The following MECR variants were observed in gnomAD, a reference collection of about 807,000 sequenced individuals.
MECR encodes the protein enoyl-[acyl-carrier-protein] reductase, mitochondrial.
A neutral mutation model predicts 49.1 loss-of-function variants in MECR; 37 were observed. The ratio of observed to expected loss-of-function variants is 0.75; its 90% CI spans 0.58 to 0.99. MECR has a LOEUF of 0.99. MECR is among the 50% of genes least tolerant of loss of function. MECR has a pLI of 0.00. For missense variants in MECR, 470 were observed against 479.6 expected (o/e 0.98, Z 0.19); for synonymous variants, 198 against 191.1 (o/e 1.04, Z -0.30).
rs1683235647 is a variant in MECR, at chr1:29,230,806, T to C, written c.101A>G (p.Tyr34Cys). Reference protein sequence around the residue: ...SGCHGPAASSYSASAEPARVR... With the variant: ...SGCHGPAASSCSASAEPARVR... Reference sequence around the variant, plus strand: ...CCGGGCAGGCTCGGCGGATGCGGAGTAGGAGGAGGCGGCAGGTCCGTGACA... The same window carrying C: ...CCGGGCAGGCTCGGCGGATGCGGAGCAGGAGGAGGCGGCAGGTCCGTGACA... Residue 34 changes from tyrosine (Y) to cysteine (C), a missense_variant, in exon 1 of 10, where the codon TAC (tyrosine) becomes TGC (cysteine). Transcript: ENST00000263702. 2 of 1,606,404 alleles carry C rather than the reference T, an allele frequency of 1.2e-6. No individual in the cohort carries two copies. Among genetic ancestry groups the C allele is most frequent in the Non-Finnish European group, 1.7e-6 (2 of 1,177,672 alleles).
At chr1:29,197,681 T>C (rs2151848314) in intron 7 of MECR, among the ~76,000 whole-genome samples, 1 of 152,260 alleles carries the variant, frequency 6.6e-6, no homozygotes, top group East Asian at 1.9e-4. Context: ...GCTGGGTAGT[T>C]TGGTCTTAAG....
At chr1:29,188,962 G>A (rs890507989), downstream of MECR, among the ~76,000 whole-genome samples, 3 of 144,842 alleles carry the variant, frequency 2.1e-5, no homozygotes, top group African/African-American at 5.2e-5. Context: ...TGTATGAGAC[G>A]GAGATTCACT....
At chr1:29,185,899 C>A in the MECR span, among the ~76,000 whole-genome samples, 2 of 152,122 alleles carry the variant, frequency 1.3e-5, no homozygotes, top group Middle Eastern at 3.2e-3. Flanking sequence ...TGGGGGGGAT[C>A]TCCTGAGCCC....
intron 3 of MECR, among the ~76,000 whole-genome samples, chr1:29,208,153 C>A (rs567140876): frequency 6.6e-6 from 1 of 152,158 alleles, no homozygotes; most frequent in African/African-American, 2.4e-5. Context: ...CCACCACGCC[C>A]GGCTAATTTT....
At chr1:29,220,236 A>AC (rs1262254552) in intron 1 of MECR, among the ~76,000 whole-genome samples, 1 of 150,994 alleles carries the variant, frequency 6.6e-6, no homozygotes, top group Admixed American at 6.6e-5. Flanking sequence ...ACTAAAAAAA[A>AC]AAAAAAATAC....
chr1:29,181,016 G>T, the MECR span, among the ~76,000 whole-genome samples: 1 of 152,304 alleles, frequency 6.6e-6, no homozygotes, highest in Admixed American at 6.5e-5. Flanking sequence ...TTAAAGATAA[G>T]AAGTTAAGAC....
intron 2 of MECR, 126 bp from the exon 3 acceptor site, chr1:29,216,262 T>C (rs1453847388): frequency 1.4e-5 from 16 of 1,111,650 alleles, no homozygotes; most frequent in African/African-American, 3.1e-5. Flanking sequence ...AACCAACCTC[T>C]GAGCCTTAGC....
At chr1:29,196,400 A>T in intron 7 of MECR, 142 bp from the exon 8 acceptor site, 1 of 787,792 alleles carries the variant, frequency 1.3e-6, no homozygotes, top group South Asian at 1.9e-5. Context: ...AAAAATACAG[A>T]TTCCAGCTGG....
chr1:29,205,591 G>C (rs1357072058), intron 4 of MECR, among the ~76,000 whole-genome samples: 3 of 151,804 alleles, frequency 2.0e-5, no homozygotes, highest in Non-Finnish European at 2.9e-5. Flanking sequence ...CAGCACTTTG[G>C]GAGGCTGAGG....
At chr1:29,184,568 A>T in the MECR span, among the ~76,000 whole-genome samples, 1 of 152,112 alleles carries the variant, frequency 6.6e-6, no homozygotes, top group Non-Finnish European at 1.5e-5. Flanking sequence ...AGCCTGGTCA[A>T]CATGGGGAAA....
intron 1 of MECR, among the ~76,000 whole-genome samples, chr1:29,217,364 C>T (rs1277818253): frequency 6.7e-6 from 1 of 149,512 alleles, no homozygotes; most frequent in Non-Finnish European, 1.5e-5. Context: ...TGCCTGCCAC[C>T]ACGCCCGGCT....
At chr1:29,202,712 T>C (rs142295123) in intron 5 of MECR, among the ~76,000 whole-genome samples, 8 of 152,312 alleles carry the variant, frequency 5.3e-5, no homozygotes, top group Non-Finnish European at 1.2e-4. Flanking sequence ...CCTTCACGTC[T>C]GTATTTAGCG....
At chr1:29,199,593 C>A (rs917580382) in intron 7 of MECR, among the ~76,000 whole-genome samples, 2 of 151,816 alleles carry the variant, frequency 1.3e-5, no homozygotes, top group Non-Finnish European at 2.9e-5. Context: ...AGGGCTTATC[C>A]CCCTTGGTAG....
At chr1:29,220,595 T>G (rs1384551724) in intron 1 of MECR, 1 of 152,216 alleles carries the variant, frequency 6.6e-6, no homozygotes, top group South Asian at 2.1e-4. Context: ...GCAGTGACAC[T>G]GCACTTCTTA....
chr1:29,181,635 G>A, the MECR span: 3 of 1,577,082 alleles, frequency 1.9e-6, no homozygotes, highest in Non-Finnish European at 2.6e-6. Context: ...ACCCTCTTTC[G>A]CCCTCCTCAC....
intron 3 of MECR, 38 bp downstream of exon 3, chr1:29,215,967 G>A (rs760200674): frequency 2.5e-6 from 4 of 1,611,212 alleles, no homozygotes; most frequent in Non-Finnish European, 3.4e-6. Flanking sequence ...ATAGGATCTG[G>A]AAGAACGAAT....
At chr1:29,202,990 C>G (rs1390304576) in intron 5 of MECR, 141 bp downstream of exon 5, 3 of 620,258 alleles carry the variant, frequency 4.8e-6, no homozygotes, top group Non-Finnish European at 8.3e-6. Flanking sequence ...TCATCTGTTT[C>G]AGCCGCCAAC....
chr1:29,180,447 G>A, the MECR span, among the ~76,000 whole-genome samples: 1 of 152,142 alleles, frequency 6.6e-6, no homozygotes, highest in Non-Finnish European at 1.5e-5. Context: ...ATTTGAAATG[G>A]CTTTTTAAAC....
intron 9 of MECR, among the ~76,000 whole-genome samples, chr1:29,195,535 CAA>C (rs1673758725): frequency 6.6e-6 from 1 of 152,198 alleles, no homozygotes; most frequent in Non-Finnish European, 1.5e-5. Context: ...ACACGGCTAA[CAA>C]GAGTTTAAAC....
Sources: allele counts gnomAD v4.1 joint callset (sites outside exome capture counted in the v4.1 genomes callset), GRCh38; gene constraint gnomAD v4.1.1; transcripts MANE v1.5; gene names NCBI Gene and HGNC (gene_info 2026-07-23, HGNC 2026-07-21).